The following COL1A1 variants were observed in gnomAD, a reference collection of about 807,000 sequenced individuals.
COL1A1 encodes collagen alpha-1(I) chain.
COL1A1 carries 21 observed loss-of-function variants against 195.7 expected under a neutral mutation model. The observed-to-expected ratio is 0.11, with a 90% confidence interval of 0.08 to 0.15. COL1A1 has a LOEUF of 0.15. Ranked by LOEUF, COL1A1 falls within the 10% of genes least tolerant of loss-of-function variation. The probability of loss-of-function intolerance (pLI) is 1.00; values close to 1 mark genes in which losing one functional copy is unlikely to be tolerated. For missense variants in COL1A1, 1,365 were observed against 2,051.0 expected (o/e 0.67, Z 6.46); for synonymous variants, 749 against 747.3 (o/e 1.00, Z -0.04).
rs1270507282 is a variant in COL1A1, at chr17:50,196,208, G to A, written c.958-9C>T. ...TCATTTCCACGAGCACCCTGCAGGA[G>A]AGAGGGGAAGCCCCGTTAAGTCCAC... On this transcript the variant is annotated splice_polypyrimidine_tract_variant and intron_variant, in intron 14 of 50. Transcript: ENST00000225964. 1.2e-6 allele frequency: 2 copies of A among 1,613,930 alleles called. No homozygotes were observed. Among genetic ancestry groups the A allele is most frequent in the Admixed American group, 1.7e-5 (1 of 60,006 alleles).
chr17:50,191,574 G>A (rs2144559156), intron 31 of COL1A1, 84 bp from the exon 32 acceptor site: 1 of 1,361,194 alleles, frequency 7.3e-7, no homozygotes, highest in East Asian at 2.3e-5. Context: ...GTATCTCCCA[G>A]GCTTGTTTCC....
Position 50,186,864 on chromosome 17 carries a change from T to A in COL1A1, c.3590A>T (p.Asp1197Val). 6.2e-7 allele frequency: 1 copy of A among 1,613,568 alleles called. No homozygotes were observed. The highest frequency in any genetic ancestry group is 8.5e-7 in the Non-Finnish European group (1 of 1,179,922). Residue 1197 changes from aspartate (D) to valine (V), a missense_variant, in exon 48 of 51, where the codon GAC (aspartate) becomes GTC (valine). Physicochemically the swap from Asp to Val is radical, Grantham distance 152 (BLOSUM62 -3). Around this residue, in one of 5 missense-constraint regions of COL1A1, gnomAD observed 671 missense variants for 1,099.9 expected, o/e 0.61. Transcript: ENST00000225964. This position sits in a 1 kb window ranked among gnomAD's most constrained non-coding sequence, Gnocchi z 5.3. The stretch of plus-strand genomic sequence containing the variant: ...AGGTGGCTGGGGCAGGAAGCTGAAG[T>A]CGAAACCAGCGCTGGGAGGACCAGG... ...GPPGPPSAGF[D>V]FSFLPQPPQE...
At chr17:50,197,136 C>G in intron 10 of COL1A1, 44 bp downstream of exon 10, 1 of 1,613,944 alleles carries the variant, frequency 6.2e-7, no homozygotes, top group Non-Finnish European at 8.5e-7. Context: ...TAAATGAAGC[C>G]CAAGTGCAGT....
chr17:50,195,140 C>T lies in COL1A1; in HGVS notation c.1300-40G>A, dbSNP rs200164061. Reference sequence around the variant, plus strand: ...AAGAGGATGAGCTGAGAGTCGGGGGCGCTCAGTTGGCCTGCGTCTTCCTGC... The same window carrying T: ...AAGAGGATGAGCTGAGAGTCGGGGGTGCTCAGTTGGCCTGCGTCTTCCTGC... On this transcript the variant is annotated intron_variant, in intron 19 of 50. Transcript: ENST00000225964. This position sits in a 1 kb window ranked among gnomAD's most constrained non-coding sequence, Gnocchi z 4.3. The T allele has an allele frequency of 1.8e-5, 29 of 1,611,144 alleles. 1 individual carries two copies. The highest frequency in any genetic ancestry group is 8.9e-5 in the East Asian group (4 of 44,858).
At position 50,187,266 on chromosome 17, in the gene COL1A1, T is replaced by C. The variant is rs1332176746; in HGVS notation, c.3424-144A>G. On this transcript the variant is annotated intron_variant, in intron 46 of 50. Coordinates refer to ENST00000225964, the MANE Select transcript of COL1A1 (RefSeq NM_000088.4). Reference sequence around the variant, plus strand: ...CAGCCTCTTTCCATAGGACATGCCATAGCTCCTCCCAGCCGCTGAGCCAGG... The same window carrying C: ...CAGCCTCTTTCCATAGGACATGCCACAGCTCCTCCCAGCCGCTGAGCCAGG... The C allele has an allele frequency of 1.1e-5, 9 of 834,914 alleles. No homozygotes were observed. The Admixed American group carries it at 2.0e-4, about 18-fold the overall frequency. 51.7% of individuals were successfully genotyped at this position (834,914 alleles called of 1,614,324 possible).
rs760920715 is a variant in COL1A1, at chr17:50,185,856, G to A, written c.4170C>T (p.Leu1390=). The part of the protein sequence containing the change: ...QTGNLKKALL[L]QGSNEIEIRA... ...GGATCTCGATCTCGTTGGAGCCCTG[G>A]AGGAGCAGGGCCTTCTTGAGGTTGC... The change falls in exon 50 of 51, where the codon CTC becomes CTT. Residue 1390 remains leucine, a synonymous_variant. Coordinates refer to ENST00000225964, the MANE Select transcript of COL1A1 (RefSeq NM_000088.4). 1.2e-6 allele frequency: 2 copies of A among 1,614,196 alleles called. No individual in the cohort carries two copies. The highest frequency in any genetic ancestry group is 2.7e-5 in the African/African-American group (2 of 75,052).
rs577594286 is a variant in COL1A1 at position 50,184,473 on chromosome 17, CACAAAAAAAA to C, written c.*1019_*1028del. On this transcript the variant is annotated 3_prime_UTR_variant, in exon 51 of 51. Coordinates refer to ENST00000225964, the MANE Select transcript of COL1A1 (RefSeq NM_000088.4). ...TTAGAAAAATTCACAAGTCCCCATC[CACAAAAAAAA>C]AAAAAAAAAAAGAAAAATATCAAGG... is the stretch of plus-strand genomic sequence containing the variant. The C allele has an allele frequency of 6.7e-4, 115 of 172,690 alleles. 4 individuals are homozygous for C. In the South Asian group the frequency reaches 0.023, roughly 35 times the overall value. The allele number at this position is 172,690 out of a possible 1,614,324, so 10.7% of individuals were successfully genotyped here. A position where few individuals can be genotyped will look rare whatever the true frequency, so the allele number is the denominator to read the frequency against.
At position 50,184,871 on chromosome 17, in the gene COL1A1, C is replaced by T. The variant is rs569577942; in HGVS notation, c.*631G>A. The T allele has an allele frequency of 4.0e-4, 91 of 230,222 alleles. No individual in the cohort carries two copies. The highest frequency in any genetic ancestry group is 1.3e-3 in the Middle Eastern group (1 of 766). The allele number at this position is 230,222 out of a possible 1,614,324, so 14.3% of individuals were successfully genotyped here. A position where few individuals can be genotyped will look rare whatever the true frequency, so the allele number is the denominator to read the frequency against. On this transcript the variant is annotated 3_prime_UTR_variant, in exon 51 of 51. Transcript: ENST00000225964. Reference sequence around the variant, plus strand: ...CCCAGTGAGGGGCTGGTGGCTCCCCCGGCATGACCCCCTCAAAAACGAAGG... The same window carrying T: ...CCCAGTGAGGGGCTGGTGGCTCCCCTGGCATGACCCCCTCAAAAACGAAGG...
At position 50,186,930 on chromosome 17, in the gene COL1A1, G is replaced by A. The variant is rs1555571885; in HGVS notation, c.3532-8C>T. The A allele has an allele frequency of 6.2e-7, 1 of 1,613,504 alleles. No individual in the cohort carries two copies. The highest frequency in any genetic ancestry group is 8.5e-7 in the Non-Finnish European group (1 of 1,179,766). On this transcript the variant is annotated splice_region_variant and splice_polypyrimidine_tract_variant and intron_variant, in intron 47 of 50. Coordinates refer to ENST00000225964, the MANE Select transcript of COL1A1 (RefSeq NM_000088.4). This position sits in a 1 kb window ranked among gnomAD's most constrained non-coding sequence, Gnocchi z 5.3. Reference sequence around the variant, plus strand: ...AGGAGGGCCGGGGGGACCCTGCACAGAGAGGGAAGAGAGTGGGGATTACCG... The same window carrying A: ...AGGAGGGCCGGGGGGACCCTGCACAAAGAGGGAAGAGAGTGGGGATTACCG...
intron 27 of COL1A1, 27 bp from the exon 28 acceptor site, chr17:50,192,720 G>A (rs201118922): frequency 3.7e-5 from 60 of 1,614,040 alleles, no homozygotes; most frequent in Middle Eastern, 3.3e-4. Flanking sequence ...CTACAGTCAC[G>A]GGGAGGCCGA....
intron 6 of COL1A1, 31 bp from the exon 7 acceptor site, chr17:50,198,236 T>G: frequency 6.2e-7 from 1 of 1,613,274 alleles, no homozygotes; most frequent in Non-Finnish European, 8.5e-7. Context: ...GGGGTCATGG[T>G]GATCCCTCTG....
At chr17:50,197,836 G>A (rs1189388404) in intron 8 of COL1A1, 51 bp from the exon 9 acceptor site, 2 of 1,598,294 alleles carry the variant, frequency 1.3e-6, no homozygotes, top group Non-Finnish European at 1.7e-6. Flanking sequence ...AAAAAGAAGG[G>A]GAAGGCTGGG....
rs548470115 is a variant in COL1A1 at position 50,192,074 on chromosome 17, C to T, written c.1984-50G>A. 9 of 1,589,650 alleles carry T rather than the reference C, an allele frequency of 5.7e-6. No homozygotes were observed. In the East Asian group the frequency reaches 9.0e-5, roughly 16 times the overall value. On this transcript the variant is annotated intron_variant, in intron 29 of 50. Transcript: ENST00000225964. ...GACAGTGAGCAAAACCCACCTGGGG[C>T]CACTCTGCTGGAAAGCACGGTCCTT...
Position 50,196,334 on chromosome 17 carries a change from G to T in COL1A1, c.937C>A (p.Pro313Thr), listed in dbSNP as rs1054020486. The change falls in exon 14 of 51, where the codon CCT becomes ACT. Residue 313 changes from proline to threonine, a missense_variant. This residue lies in a region of COL1A1 where 226 missense variants were observed against 372.9 expected (regional missense o/e 0.61). Transcript: ENST00000225964. ...CTTACAGCAGGGCCAGGGGCTCCAG[G>T]GCGACCTCTCTCACCAGGCAGGCCA... ...PRGLPGERGR[P>T]GAPGPAGARG... is the part of the protein sequence containing the mutation. The T allele has an allele frequency of 6.2e-7, 1 of 1,611,110 alleles. No individual in the cohort carries two copies. The highest frequency in any genetic ancestry group is 8.5e-7 in the Non-Finnish European group (1 of 1,178,470).
rs989802421 is a variant in COL1A1 at position 50,192,696 on chromosome 17, G to A, written c.1876-3C>T. The A allele has an allele frequency of 8.1e-6, 13 of 1,614,120 alleles. No individual in the cohort carries two copies. Among genetic ancestry groups the A allele is most frequent in the Non-Finnish European group, 9.3e-6 (11 of 1,180,050 alleles). ...TCACCTCTCTCGCCAGCGGGACCCTGCACAGAGAGAACACTACAGTCACGG... is the reference window on the plus strand; with the variant it reads ...TCACCTCTCTCGCCAGCGGGACCCTACACAGAGAGAACACTACAGTCACGG... On this transcript the variant is annotated splice_polypyrimidine_tract_variant and splice_region_variant and intron_variant, in intron 27 of 50. Transcript: ENST00000225964.
chr17:50,197,326 G>T, intron 9 of COL1A1, 93 bp from the exon 10 acceptor site: 1 of 1,340,216 alleles, frequency 7.5e-7, no homozygotes, highest in Non-Finnish European at 1.1e-6. Context: ...TCTTTGGATT[G>T]TTGCAGGTCA....
Position 50,192,781 on chromosome 17 carries a change from C to T in COL1A1, c.1875+16G>A, listed in dbSNP as rs767972000. On this transcript the variant is annotated intron_variant, in intron 27 of 50. Coordinates refer to ENST00000225964, the MANE Select transcript of COL1A1 (RefSeq NM_000088.4). ...CCCTTTTCTGCTCCCCAGATCTCCC[C>T]ATCAGGGACACTCACAGCAGGGCCA... The T allele has an allele frequency of 6.2e-6, 10 of 1,613,956 alleles. No individual in the cohort carries two copies. The South Asian group carries it at 9.9e-5, about 16-fold the overall frequency.
In COL1A1 at chr17:50,190,394, A is replaced by T. The variant is rs757350752; in HGVS notation, c.2398-14T>A. On this transcript the variant is annotated splice_polypyrimidine_tract_variant and intron_variant, in intron 34 of 50. Transcript: ENST00000225964. This position sits in a 1 kb window ranked among gnomAD's most constrained non-coding sequence, Gnocchi z 4.7. ...ACCACGGTCTCCCTAGAAGAAAAGG[A>T]GTCAGATTGGAGAGATGCGCTGACA... The T allele has an allele frequency of 5.6e-6, 9 of 1,611,586 alleles. No individual in the cohort carries two copies. The highest frequency in any genetic ancestry group is 1.7e-5 in the Admixed American group (1 of 59,960).
At chr17:50,185,714 T>A in intron 50 of COL1A1, 64 bp downstream of exon 50, 1 of 1,611,838 alleles carries the variant, frequency 6.2e-7, no homozygotes, top group Non-Finnish European at 8.5e-7. Flanking sequence ...GAGGGCACTA[T>A]GGCCTGGCCA....
Sources: gnomAD v4.1 joint callset for allele counts on GRCh38, gnomAD v4.1.1 for gene constraint, gnomAD v4.1.1 regional missense constraint, Gnocchi (gnomAD v3.1) non-coding constraint, MANE v1.5 for transcripts, NCBI Gene and HGNC (gene_info 2026-07-23, HGNC 2026-07-21) for gene names.